The following ZNF365 variants were observed in gnomAD, a reference collection of about 807,000 sequenced individuals.
ZNF365 encodes protein ZNF365.
A neutral mutation model predicts 35.0 loss-of-function variants in ZNF365; 22 were observed. That is an observed-to-expected ratio of 0.63 (90% CI 0.45 to 0.90). The LOEUF is 0.90. Ranked by LOEUF, ZNF365 falls within the 40% of genes least tolerant of loss-of-function variation. The pLI is 0.00. For synonymous variants in ZNF365, 188 were observed against 196.2 expected (o/e 0.96, Z 0.35); for missense variants, 448 against 500.3 (o/e 0.90, Z 1.00).
Position 62,453,739 on chromosome 10 carries a change from AT to A in ZNF365, c.925-5995del, listed in dbSNP as rs540105776. The stretch of plus-strand genomic sequence containing the variant: ...TGACAAAGAAATTCTACTTCTATAG[AT>A]TTTTTTCTCCAAGGAAATAAATATG... On this transcript the variant is annotated intron_variant, in intron 3 of 4. Coordinates refer to the ZNF365 transcript ENST00000395255. Among the ~76,000 whole-genome samples the A allele has an allele frequency of 3.3e-5, 5 of 152,206 alleles. No individual in the cohort carries two copies. In the South Asian group the frequency reaches 8.3e-4, roughly 25 times the overall value.
intron 3 of ZNF365, among the ~76,000 whole-genome samples, chr10:62,448,263 T>C (rs1840622701): frequency 6.6e-6 from 1 of 152,194 alleles, no homozygotes; most frequent in Non-Finnish European, 1.5e-5. Flanking sequence ...TGCAGAGTTT[T>C]GGCAGTTGTA....
downstream of ZNF365, among the ~76,000 whole-genome samples, chr10:62,404,017 G>A (rs1325671760): frequency 1.3e-5 from 2 of 151,568 alleles, no homozygotes; most frequent in Non-Finnish European, 2.9e-5. Context: ...CCTTTTTTTT[G>A]TTCATGTTCT....
chr10:62,414,373 T>A (rs944753909), intron 3 of ZNF365, among the ~76,000 whole-genome samples: 3 of 152,000 alleles, frequency 2.0e-5, no homozygotes, highest in Admixed American at 2.0e-4. Flanking sequence ...AATTCTTTTT[T>A]TTTTTTAATT....
intron 3 of ZNF365, among the ~76,000 whole-genome samples, chr10:62,447,525 T>C (rs750140004): frequency 6.6e-6 from 1 of 152,212 alleles, no homozygotes; most frequent in Non-Finnish European, 1.5e-5. Context: ...AGTCACTGGC[T>C]GAGAAAAGTC....
chr10:62,417,535 C>T (rs1311636922), intron 3 of ZNF365, among the ~76,000 whole-genome samples: 1 of 152,050 alleles, frequency 6.6e-6, no homozygotes, highest in Non-Finnish European at 1.5e-5. Context: ...ACCACTGGGA[C>T]ACTTGCTAAT....
At chr10:62,467,525 T>C (rs987736005) in intron 4 of ZNF365, among the ~76,000 whole-genome samples, 2 of 152,230 alleles carry the variant, frequency 1.3e-5, no homozygotes, top group Non-Finnish European at 2.9e-5. Flanking sequence ...GGCAGACACG[T>C]ATTCATCTGA....
At position 62,407,520 on chromosome 10, in the gene ZNF365, C is replaced by A. The variant is rs553854456; in HGVS notation, c.924+18944C>A. Among the ~76,000 whole-genome samples, 5 of 152,078 alleles carry A rather than the reference C, an allele frequency of 3.3e-5. No individual in the cohort carries two copies. The East Asian group carries it at 9.7e-4, about 29-fold the overall frequency. On this transcript the variant is annotated intron_variant, in intron 3 of 4. Transcript: ENST00000395255. ...ACTTTTGACTTTTGACCCTCACTGTCCCTGATCCCCTTAAAAACACCAGCC... is the reference window on the plus strand; with the variant it reads ...ACTTTTGACTTTTGACCCTCACTGTACCTGATCCCCTTAAAAACACCAGCC...
chr10:62,379,188 A>AT (rs1839389091), intron 2 of ZNF365, among the ~76,000 whole-genome samples: 2 of 151,814 alleles, frequency 1.3e-5, no homozygotes, highest in African/African-American at 2.4e-5. Flanking sequence ...GCACCCAGCT[A>AT]TTTTTTTGTA....
downstream of ZNF365, among the ~76,000 whole-genome samples, chr10:62,403,502 C>CA (rs1285600662): frequency 6.6e-5 from 10 of 152,204 alleles, no homozygotes; most frequent in Non-Finnish European, 1.2e-4. Flanking sequence ...ACTAAAAATA[C>CA]AAAAAATTAG....
At chr10:62,465,023 A>G (rs1840915362) in intron 4 of ZNF365, among the ~76,000 whole-genome samples, 1 of 152,222 alleles carries the variant, frequency 6.6e-6, no homozygotes, top group South Asian at 2.1e-4. Context: ...GTGCAGATGC[A>G]GCTGCCCAGC....
chr10:62,382,321 G>A (rs1042352063), intron 2 of ZNF365, among the ~76,000 whole-genome samples: 3 of 152,164 alleles, frequency 2.0e-5, no homozygotes, highest in Non-Finnish European at 2.9e-5. Flanking sequence ...AGGTCAGCGG[G>A]GTGGAGAAGG....
chr10:62,468,695 G>C (rs56325535), intron 4 of ZNF365, among the ~76,000 whole-genome samples: 11,278 of 152,228 alleles, frequency 0.074, 460 homozygotes, highest in Middle Eastern at 0.13. Flanking sequence ...TTCAGCGGCA[G>C]ACCATCCACA....
intron 3 of ZNF365, among the ~76,000 whole-genome samples, chr10:62,414,329 A>G (rs1840039217): frequency 6.6e-6 from 1 of 151,620 alleles, no homozygotes; most frequent in Admixed American, 6.6e-5. Context: ...CCTCCCATGT[A>G]GCTAGGACCA....
chr10:62,397,301 C>T lies in ZNF365; in HGVS notation c.925-1439C>T, dbSNP rs548591411. 4.6e-4 allele frequency among the ~76,000 whole-genome samples: 70 copies of T among 151,864 alleles called. 1 individual carries two copies. The East Asian group carries it at 9.3e-3, about 20-fold the overall frequency. ...TTTTTTTTTTAAGGAACTTCCTTTGCGGCTTGCTGCAGACAGAAGAATGCA... is the reference window on the plus strand; with the variant it reads ...TTTTTTTTTTAAGGAACTTCCTTTGTGGCTTGCTGCAGACAGAAGAATGCA... On this transcript the variant is annotated intron_variant, in intron 3 of 4. Coordinates refer to ENST00000395254, the MANE Select transcript of ZNF365 (RefSeq NM_014951.3).
intron 3 of ZNF365, among the ~76,000 whole-genome samples, chr10:62,427,578 G>A (rs1045375401): frequency 3.4e-4 from 51 of 152,182 alleles, no homozygotes; most frequent in African/African-American, 1.2e-3. Context: ...GTAGTTCTGT[G>A]TATGCTGTTG....
intron 4 of ZNF365, among the ~76,000 whole-genome samples, chr10:62,478,009 A>G (rs1300221811): frequency 6.6e-6 from 1 of 152,208 alleles, no homozygotes; most frequent in Non-Finnish European, 1.5e-5. Context: ...TTTTCCCACA[A>G]GCTGAACATA....
At chr10:62,447,498 T>C in intron 3 of ZNF365, among the ~76,000 whole-genome samples, 1 of 152,182 alleles carries the variant, frequency 6.6e-6, no homozygotes, top group East Asian at 1.9e-4. Context: ...TCCAATCCCT[T>C]GTGGCATGTA....
chr10:62,419,895 T>C (rs1840139246), intron 3 of ZNF365, among the ~76,000 whole-genome samples: 1 of 152,174 alleles, frequency 6.6e-6, no homozygotes, highest in South Asian at 2.1e-4. Flanking sequence ...GTATGATCAT[T>C]ATTGTAAGTT....
At chr10:62,421,351 A>G (rs1840164911) in intron 3 of ZNF365, among the ~76,000 whole-genome samples, 1 of 152,196 alleles carries the variant, frequency 6.6e-6, no homozygotes, top group Admixed American at 6.5e-5. Context: ...TACAAGGGTG[A>G]ATCCACAGTT....
Sources: allele counts gnomAD v4.1 joint callset (sites outside exome capture counted in the v4.1 genomes callset), GRCh38; gene constraint gnomAD v4.1.1; transcripts MANE v1.5; gene names NCBI Gene and HGNC (gene_info 2026-07-23, HGNC 2026-07-21).